The following RORB variants were observed in gnomAD, a reference collection of about 807,000 sequenced individuals.
RORB encodes nuclear receptor ROR-beta.
RORB carries 6 observed loss-of-function variants against 59.1 expected under a neutral mutation model. The observed-to-expected ratio is 0.10, with a 90% CI of 0.06 to 0.20. RORB has a LOEUF of 0.20. Ranked by LOEUF, RORB falls within the 10% of genes least tolerant of loss-of-function variation. RORB has a pLI of 1.00. For synonymous variants in RORB, 215 were observed against 204.5 expected (o/e 1.05, Z -0.44); for missense variants, 320 against 560.5 (o/e 0.57, Z 4.33).
intron 1 of RORB, among the ~76,000 whole-genome samples, chr9:74,607,598 A>G (rs1393322539): frequency 1.5e-5 from 2 of 133,914 alleles, no homozygotes; most frequent in Non-Finnish European, 3.4e-5. Flanking sequence ...ATATATATTT[A>G]TTTATATATA....
intron 1 of RORB, among the ~76,000 whole-genome samples, chr9:74,569,012 G>A (rs1323423787): frequency 6.6e-6 from 1 of 152,044 alleles, no homozygotes; most frequent in African/African-American, 2.4e-5. Context: ...ACGTTAGTAT[G>A]AATGTACCAA....
intron 1 of RORB, among the ~76,000 whole-genome samples, chr9:74,531,608 C>T (rs1380741671): frequency 1.3e-5 from 2 of 151,892 alleles, no homozygotes; most frequent in African/African-American, 4.8e-5. Flanking sequence ...TATGTATAAC[C>T]ACTGCATAAT....
rs1554675437 is a variant in RORB, at chr9:74,685,648, G to GGAAT, written c.*32_*35dup. 1 of 1,517,328 alleles carries GGAAT rather than the reference G, an allele frequency of 6.6e-7. No individual in the cohort carries two copies. Among genetic ancestry groups the GGAAT allele is most frequent in the Non-Finnish European group, 8.9e-7 (1 of 1,122,176 alleles). 94.0% of individuals were successfully genotyped at this position (1,517,328 alleles called of 1,614,324 possible). On this transcript the variant is annotated 3_prime_UTR_variant, in exon 10 of 10. Transcript: ENST00000376896. ...GACAAGAGAACTGTCTCATAGTCAT[G>GGAAT]GAATGCATCACCATTAAGACAAAAG... is the stretch of plus-strand genomic sequence containing the variant.
intron 9 of RORB, among the ~76,000 whole-genome samples, chr9:74,674,265 A>G (rs1477574651): frequency 6.6e-6 from 1 of 152,122 alleles, no homozygotes; most frequent in African/African-American, 2.4e-5. Flanking sequence ...TGCCTTCCAC[A>G]ATACCTCTAA....
At chr9:74,638,196 T>A (rs141116371) in intron 3 of RORB, among the ~76,000 whole-genome samples, 299 of 152,304 alleles carry the variant, frequency 2.0e-3, no homozygotes, top group Non-Finnish European at 3.7e-3. Flanking sequence ...AGTCATAGAT[T>A]GATAGTCAGT....
chr9:74,518,807 C>A (rs1442658923), intron 1 of RORB, among the ~76,000 whole-genome samples: 4 of 151,924 alleles, frequency 2.6e-5, no homozygotes, highest in Non-Finnish European at 5.9e-5. Context: ...ACCTTAGAAC[C>A]ATGTAATTCC....
At chr9:74,649,173 C>T (rs575198133) in intron 4 of RORB, among the ~76,000 whole-genome samples, 1 of 152,192 alleles carries the variant, frequency 6.6e-6, no homozygotes, top group Admixed American at 6.5e-5. Context: ...TGGTCTTGAA[C>T]TCCTGACCTC....
chr9:74,641,614 G>A (rs1046123595), intron 3 of RORB, among the ~76,000 whole-genome samples: 65 of 152,128 alleles, frequency 4.3e-4, no homozygotes, highest in African/African-American at 1.5e-3. Context: ...TTAGAAAATC[G>A]GCCTGGCCGG....
intron 1 of RORB, among the ~76,000 whole-genome samples, chr9:74,624,345 T>C (rs1480891834): frequency 6.6e-6 from 1 of 152,126 alleles, no homozygotes; most frequent in Non-Finnish European, 1.5e-5. Flanking sequence ...GTGCACTGAA[T>C]TTCATGCACC....
At chr9:74,652,662 G>A in intron 4 of RORB, among the ~76,000 whole-genome samples, 1 of 152,028 alleles carries the variant, frequency 6.6e-6, no homozygotes, top group East Asian at 1.9e-4. Flanking sequence ...ATTGGTCTTA[G>A]AATATTCAGG....
intron 1 of RORB, among the ~76,000 whole-genome samples, chr9:74,514,455 T>C (rs1825981703): frequency 2.6e-5 from 4 of 152,138 alleles, no homozygotes; most frequent in Middle Eastern, 6.8e-3. Context: ...AATAAAACTT[T>C]ATTTACAAAA....
chr9:74,603,362 A>G (rs1264163072), intron 1 of RORB, among the ~76,000 whole-genome samples: 2 of 152,180 alleles, frequency 1.3e-5, no homozygotes, highest in Non-Finnish European at 2.9e-5. Flanking sequence ...GCCAAGCACA[A>G]GGAAGGAATC....
intron 1 of RORB, among the ~76,000 whole-genome samples, chr9:74,620,523 G>T (rs189838486): frequency 5.8e-4 from 88 of 152,032 alleles, no homozygotes; most frequent in Non-Finnish European, 6.9e-4. Context: ...TTTTTGAAGG[G>T]TTTTTTTGTG....
intron 1 of RORB, among the ~76,000 whole-genome samples, chr9:74,536,909 C>A (rs949701010): frequency 6.6e-6 from 1 of 151,820 alleles, no homozygotes; most frequent in Non-Finnish European, 1.5e-5. Flanking sequence ...TCCCCATGAC[C>A]CACACGAGGG....
chr9:74,506,591 A>T (rs1024260072), intron 1 of RORB, among the ~76,000 whole-genome samples: 9 of 152,102 alleles, frequency 5.9e-5, no homozygotes, highest in African/African-American at 2.2e-4. Flanking sequence ...TCTACTCTGA[A>T]ACACTGGTAA....
At chr9:74,534,796 C>A (rs1306381740) in intron 1 of RORB, among the ~76,000 whole-genome samples, 1 of 152,084 alleles carries the variant, frequency 6.6e-6, no homozygotes, top group Non-Finnish European at 1.5e-5. Context: ...TTTCATTCTG[C>A]AGCTACTGTA....
chr9:74,613,348 A>G (rs1468243291), intron 1 of RORB, among the ~76,000 whole-genome samples: 1 of 152,194 alleles, frequency 6.6e-6, no homozygotes, highest in East Asian at 1.9e-4. Context: ...GTTCTTTGCT[A>G]AAGTTTTTAC....
At chr9:74,622,519 ATTT>A (rs33946613) in intron 1 of RORB, among the ~76,000 whole-genome samples, 2 of 74,142 alleles carry the variant, frequency 2.7e-5, no homozygotes, top group African/African-American at 5.6e-5. Flanking sequence ...TACAACCCAG[ATTT>A]TTTTTTTTTT....
chr9:74,602,272 T>C (rs1823077997), intron 1 of RORB, among the ~76,000 whole-genome samples: 1 of 152,238 alleles, frequency 6.6e-6, no homozygotes, highest in Non-Finnish European at 1.5e-5. Context: ...TTATAGAAAC[T>C]GTTTAATGAG....
Sources: allele counts gnomAD v4.1 joint callset (sites outside exome capture counted in the v4.1 genomes callset), GRCh38; gene constraint gnomAD v4.1.1; transcripts MANE v1.5; gene names NCBI Gene and HGNC (gene_info 2026-07-23, HGNC 2026-07-21).